Variants in LIMK1 observed in about 807,000 individuals in gnomAD.
The protein encoded by LIMK1 is LIM motif-containing protein kinase.
LIMK1 carries 21 observed loss-of-function variants against 77.6 expected under a neutral mutation model. That is an observed-to-expected ratio of 0.27 (90% CI 0.19 to 0.39). The LOEUF is 0.39. Among genes scored for constraint, LIMK1 ranks in the 10% least tolerant of loss-of-function variants. The pLI is 1.00. For missense variants in LIMK1, 696 were observed against 901.6 expected, an observed-to-expected ratio of 0.77 and a Z score of 2.92; for synonymous variants, 358 against 370.0, an observed-to-expected ratio of 0.97 and a Z score of 0.37.
At position 74,111,922 on chromosome 7, in the gene LIMK1, C is replaced by T. The variant is rs1584127390; in HGVS notation, c.1345-11C>T. On this transcript the variant is annotated splice_polypyrimidine_tract_variant and intron_variant, in intron 11 of 15. Transcript: ENST00000336180. ...ACAGCTGCCCCCTGACTCCCGTGTC[C>T]CCGTCCCTAGGCCTACCTCCACTCC... The T allele has an allele frequency of 6.2e-7, 1 of 1,611,882 alleles. No homozygotes were observed. Among genetic ancestry groups the T allele is most frequent in the African/African-American group, 1.3e-5 (1 of 74,846 alleles).
chr7:74,092,956 C>A, intron 2 of LIMK1: 1 of 466,480 alleles, frequency 2.1e-6, no homozygotes, highest in African/African-American at 2.0e-5. Flanking sequence ...GTGTTCAGGA[C>A]TGAGGGCCAG....
intron 2 of LIMK1, among the ~76,000 whole-genome samples, chr7:74,089,116 T>G (rs1554694435): frequency 1.3e-5 from 2 of 152,240 alleles, no homozygotes; most frequent in African/African-American, 4.8e-5. Flanking sequence ...GTGCCCAGTT[T>G]GCATGGGAGA....
chr7:74,112,682 G>A (rs528576478), intron 12 of LIMK1, among the ~76,000 whole-genome samples: 19 of 152,164 alleles, frequency 1.2e-4, no homozygotes, highest in African/African-American at 4.3e-4. Context: ...AAAATTAGCC[G>A]GGCGTGGTGG....
intron 13 of LIMK1, among the ~76,000 whole-genome samples, chr7:74,118,425 C>CAA (rs1491113847): frequency 7.4e-6 from 1 of 134,444 alleles, no homozygotes; most frequent in Admixed American, 7.6e-5. Flanking sequence ...CACACACACA[C>CAA]AGAGTTAACA....
intron 1 of LIMK1, among the ~76,000 whole-genome samples, chr7:74,085,455 CT>C (rs1799117150): frequency 6.6e-6 from 1 of 152,244 alleles, no homozygotes; most frequent in Non-Finnish European, 1.5e-5. Flanking sequence ...CCTCATTTAC[CT>C]TGCCAGATCC....
At position 74,085,823 on chromosome 7, in the gene LIMK1, A is replaced by C. The variant is rs1799127016; in HGVS notation, c.131A>C (p.Asp44Ala). The C allele has an allele frequency of 1.3e-6, 2 of 1,557,140 alleles. No individual in the cohort carries two copies. Among genetic ancestry groups the C allele is most frequent in the Non-Finnish European group, 1.7e-6 (2 of 1,150,590 alleles). The change falls in exon 2 of 16, where the codon GAC becomes GCC. Residue 44 changes from aspartate to alanine, a missense_variant. Around this residue, in one of 3 missense-constraint regions of LIMK1, gnomAD observed 252 missense variants for 279.4 expected, o/e 0.90. Transcript: ENST00000336180. ...CAGTACCTCCAGGCCCTGAACGCGG[A>C]CTGGCACGCAGACTGCTTCAGGTAG... Reference protein sequence around the residue: ...DGQYLQALNADWHADCFRCCD... With the variant: ...DGQYLQALNAAWHADCFRCCD...
Position 74,106,206 on chromosome 7 carries a change from G to A in LIMK1, c.844G>A (p.Gly282Arg), listed in dbSNP as rs140698496. The A allele has an allele frequency of 3.1e-6, 5 of 1,613,728 alleles. No homozygotes were observed. Among genetic ancestry groups the A allele is most frequent in the East Asian group, 2.2e-5 (1 of 44,870 alleles). Residue 282 changes from glycine (G) to arginine (R), a missense_variant, in exon 7 of 16, where the codon GGG (glycine) becomes AGG (arginine). By Grantham distance (125) the Gly-to-Arg change is moderately radical. Around this residue, in one of 3 missense-constraint regions of LIMK1, gnomAD observed 438 missense variants for 602.3 expected, o/e 0.73. Transcript: ENST00000336180. ...GAGCTCTCCGGCTTATACTCCCAGC[G>A]GGGAGGCGGGCAGCTCTGCCCGGCA... ...PLSSPAYTPS[G>R]EAGSSARQKP... is the part of the protein sequence containing the mutation.
chr7:74,099,993 G>A (rs1584115487), intron 5 of LIMK1, among the ~76,000 whole-genome samples: 1 of 151,978 alleles, frequency 6.6e-6, no homozygotes, highest in African/African-American at 2.4e-5. Flanking sequence ...AGCCAGGCAT[G>A]GTGAAATCAC....
At chr7:74,116,445 TTAAA>T (rs1389981876) in intron 13 of LIMK1, among the ~76,000 whole-genome samples, 4 of 152,050 alleles carry the variant, frequency 2.6e-5, no homozygotes, top group African/African-American at 9.7e-5. Context: ...ACTTAGTGGC[TTAAA>T]TAAATGATCA....
intron 2 of LIMK1, among the ~76,000 whole-genome samples, chr7:74,090,220 C>A (rs1799211348): frequency 6.6e-6 from 1 of 151,856 alleles, no homozygotes; most frequent in Non-Finnish European, 1.5e-5. Context: ...ACTAAAAATA[C>A]AAAAATTAGC....
chr7:74,104,955 T>C (rs1215562827), intron 5 of LIMK1, among the ~76,000 whole-genome samples: 6 of 152,130 alleles, frequency 3.9e-5, no homozygotes, highest in African/African-American at 1.4e-4. Context: ...ATGTCTGTAA[T>C]CCTAGCACTT....
chr7:74,097,053 G>A (rs782399295), intron 3 of LIMK1, 27 bp from the exon 4 acceptor site: 10 of 1,556,262 alleles, frequency 6.4e-6, no homozygotes, highest in Non-Finnish European at 7.9e-6. Context: ...GCTGAGCTGG[G>A]CTGTTCCCTC....
chr7:74,099,976 A>G (rs1048847585), intron 5 of LIMK1, among the ~76,000 whole-genome samples: 2 of 151,042 alleles, frequency 1.3e-5, no homozygotes, highest in Non-Finnish European at 3.0e-5. Context: ...AAAAAAAATT[A>G]AAAATTAGCC....
intron 9 of LIMK1, among the ~76,000 whole-genome samples, chr7:74,108,391 T>C (rs1471757570): frequency 6.6e-6 from 1 of 151,856 alleles, no homozygotes; most frequent in Non-Finnish European, 1.5e-5. Flanking sequence ...ACGCCTGTAA[T>C]CCCAGCACTT....
In LIMK1 at chr7:74,107,155, G is replaced by A; in HGVS notation, c.1027G>A (p.Glu343Lys). Residue 343 changes from glutamate (E) to lysine (K), a missense_variant, in exon 8 of 16, where the codon GAG becomes AAG. By Grantham distance (56) the Glu-to-Lys change is moderately conservative. This residue lies in a region of LIMK1 where 438 missense variants were observed against 602.3 expected (regional missense o/e 0.73). Transcript: ENST00000336180. Reference protein sequence around the residue: ...IFRPSDLIHGEVLGKGCFGQA... With the variant: ...IFRPSDLIHGKVLGKGCFGQA... ...CCGGCCGTCGGACCTCATCCACGGG[G>A]AGGTGCTGGGCAAGGGCTGCTTCGG... 1.9e-6 allele frequency: 3 copies of A among 1,612,930 alleles called. No individual in the cohort carries two copies. Among genetic ancestry groups the A allele is most frequent in the Non-Finnish European group, 2.5e-6 (3 of 1,179,848 alleles).
At chr7:74,109,315 T>C in intron 10 of LIMK1, 1 of 415,328 alleles carries the variant, frequency 2.4e-6, no homozygotes, top group South Asian at 2.1e-5. Flanking sequence ...AGCTGTGATC[T>C]CACCACTGCA....
At chr7:74,117,218 A>T (rs1479414236) in intron 13 of LIMK1, among the ~76,000 whole-genome samples, 1 of 151,906 alleles carries the variant, frequency 6.6e-6, no homozygotes, top group South Asian at 2.1e-4. Flanking sequence ...GGGTATCACT[A>T]TGTTGCCCAG....
At chr7:74,120,559 C>T (rs782460059) in intron 13 of LIMK1, 24 bp from the exon 14 acceptor site, 1 of 1,613,878 alleles carries the variant, frequency 6.2e-7, no homozygotes, top group East Asian at 2.2e-5. Flanking sequence ...TGTTCATCTG[C>T]TGACAGTCGG....
intron 12 of LIMK1, among the ~76,000 whole-genome samples, chr7:74,112,385 G>T (rs187792849): frequency 6.6e-6 from 1 of 152,206 alleles, no homozygotes; most frequent in East Asian, 1.9e-4. Flanking sequence ...CAGAGTGGGG[G>T]CATAGGCGTA....
Sources: gnomAD v4.1 joint callset for allele counts (sites outside exome capture counted in the v4.1 genomes callset) on GRCh38, gnomAD v4.1.1 for gene constraint, gnomAD v4.1.1 regional missense constraint, MANE v1.5 for transcripts, NCBI Gene and HGNC (gene_info 2026-07-23, HGNC 2026-07-21) for gene names.